Variants in ZNF804B observed in about 807,000 individuals in gnomAD.
ZNF804B encodes zinc finger 804B.
A neutral mutation model predicts 101.4 loss-of-function variants in ZNF804B; 80 were observed. The observed-to-expected ratio is 0.79, with a 90% CI of 0.66 to 0.95. The LOEUF is 0.95. ZNF804B is among the 40% of genes least tolerant of loss of function. The probability of loss-of-function intolerance (pLI) is 0.00; values close to 1 mark genes in which losing one functional copy is unlikely to be tolerated. For missense variants in ZNF804B, 1,673 were observed against 1,561.9 expected (o/e 1.07, Z -1.20); for synonymous variants, 622 against 558.8 (o/e 1.11, Z -1.59).
intron 1 of ZNF804B, among the ~76,000 whole-genome samples, chr7:88,832,620 G>C (rs1791149445): frequency 6.6e-6 from 1 of 151,816 alleles, no homozygotes; most frequent in Non-Finnish European, 1.5e-5. Flanking sequence ...AAAATCTAGG[G>C]AAGAATTATT....
chr7:89,240,315 C>T (rs922200005), intron 2 of ZNF804B, among the ~76,000 whole-genome samples: 2 of 152,008 alleles, frequency 1.3e-5, no homozygotes, highest in Admixed American at 6.6e-5. Flanking sequence ...TCTGATACTG[C>T]AATAGAAAGG....
chr7:89,137,499 G>A (rs553375166), intron 1 of ZNF804B, among the ~76,000 whole-genome samples: 8 of 152,166 alleles, frequency 5.3e-5, no homozygotes, highest in African/African-American at 1.9e-4. Flanking sequence ...GAGACTGGCA[G>A]CATTTTGTCC....
chr7:89,220,155 A>ACATGTATATACACACATATATATGTGTG (rs59752530), intron 2 of ZNF804B, among the ~76,000 whole-genome samples: 1 of 93,046 alleles, frequency 1.1e-5, no homozygotes, highest in African/African-American at 4.7e-5. Flanking sequence ...ATATACATAT[A>ACATGTATATACACACATATATATGTGTG]TATATACGCA....
chr7:89,147,436 G>T (rs755002577), intron 1 of ZNF804B, among the ~76,000 whole-genome samples: 25 of 152,026 alleles, frequency 1.6e-4, no homozygotes, highest in Admixed American at 3.3e-4. Flanking sequence ...TAATATTACA[G>T]ATCAAGGTGT....
chr7:88,913,279 T>A (rs1721541179), intron 1 of ZNF804B, among the ~76,000 whole-genome samples: 1 of 152,212 alleles, frequency 6.6e-6, no homozygotes. Context: ...TATGGAGAAA[T>A]CAGATGTAGT....
chr7:88,837,094 C>A (rs1302302899), intron 1 of ZNF804B, among the ~76,000 whole-genome samples: 1 of 151,708 alleles, frequency 6.6e-6, no homozygotes, highest in African/African-American at 2.4e-5. Context: ...AGATGGTTGC[C>A]CCCAAAAAAG....
At chr7:89,161,902 A>G (rs991924121) in intron 1 of ZNF804B, among the ~76,000 whole-genome samples, 1 of 152,120 alleles carries the variant, frequency 6.6e-6, no homozygotes, top group Non-Finnish European at 1.5e-5. Context: ...GCAATATGAG[A>G]TAGTAAATTT....
intron 1 of ZNF804B, among the ~76,000 whole-genome samples, chr7:89,116,073 A>AT (rs146470822): frequency 0.7 from 97,865 of 140,610 alleles, 32,508 homozygotes; most frequent in East Asian, 0.78. Flanking sequence ...CCCAGTTATT[A>AT]TTTTTTTTTT....
intron 2 of ZNF804B, among the ~76,000 whole-genome samples, chr7:89,239,807 A>G (rs1789339434): frequency 6.6e-6 from 1 of 150,664 alleles, no homozygotes; most frequent in African/African-American, 2.4e-5. Context: ...TTCTTTATAT[A>G]TATATATAAA....
intron 2 of ZNF804B, among the ~76,000 whole-genome samples, chr7:89,305,794 C>T (rs1008583158): frequency 6.6e-6 from 1 of 151,614 alleles, no homozygotes; most frequent in Non-Finnish European, 1.5e-5. Context: ...TTTTTTGATA[C>T]ACATATTTAT....
At chr7:89,313,958 C>T (rs540581624) in intron 2 of ZNF804B, among the ~76,000 whole-genome samples, 12 of 152,230 alleles carry the variant, frequency 7.9e-5, no homozygotes, top group African/African-American at 2.6e-4. Flanking sequence ...AATCTAAAGA[C>T]ATGAATTAGA....
intron 1 of ZNF804B, among the ~76,000 whole-genome samples, chr7:88,945,824 C>A (rs1793120022): frequency 1.3e-5 from 2 of 151,914 alleles, no homozygotes; most frequent in African/African-American, 4.8e-5. Flanking sequence ...AGTTGTATTC[C>A]TAGGTTATTT....
intron 1 of ZNF804B, among the ~76,000 whole-genome samples, chr7:88,787,185 G>A (rs1790314880): frequency 6.6e-6 from 1 of 152,068 alleles, no homozygotes; most frequent in Non-Finnish European, 1.5e-5. Context: ...AGAGACAAGA[G>A]AAAACCATAA....
intron 1 of ZNF804B, among the ~76,000 whole-genome samples, chr7:88,973,876 T>C (rs184198205): frequency 5.9e-5 from 9 of 151,564 alleles, no homozygotes; most frequent in Admixed American, 2.0e-4. Context: ...CATCATCCCA[T>C]TGACACAACT....
chr7:89,184,200 T>G (rs1410933594), intron 1 of ZNF804B, among the ~76,000 whole-genome samples: 1 of 152,200 alleles, frequency 6.6e-6, no homozygotes, highest in Non-Finnish European at 1.5e-5. Flanking sequence ...GTGGTAGGAC[T>G]GCAATCTCAC....
intron 1 of ZNF804B, among the ~76,000 whole-genome samples, chr7:88,897,494 A>G (rs1381651961): frequency 1.3e-5 from 2 of 150,976 alleles, no homozygotes; most frequent in Admixed American, 1.3e-4. Flanking sequence ...TGAATTCCAG[A>G]AATGTAGGGG....
At chr7:89,281,818 A>G (rs994932595) in intron 2 of ZNF804B, among the ~76,000 whole-genome samples, 2 of 152,172 alleles carry the variant, frequency 1.3e-5, no homozygotes. Context: ...AAAAGCAAGC[A>G]AAAGTACTTC....
chr7:89,060,495 C>A (rs574740778), intron 1 of ZNF804B, among the ~76,000 whole-genome samples: 9 of 152,100 alleles, frequency 5.9e-5, no homozygotes, highest in African/African-American at 1.2e-4. Context: ...AAGTGGACAG[C>A]ATCTACTTAC....
chr7:89,065,281 G>A (rs1789441816), intron 1 of ZNF804B, among the ~76,000 whole-genome samples: 1 of 152,152 alleles, frequency 6.6e-6, no homozygotes, highest in African/African-American at 2.4e-5. Flanking sequence ...AGCCCTGAAG[G>A]CAGCCTGTTG....
Sources: allele counts gnomAD v4.1 joint callset (sites outside exome capture counted in the v4.1 genomes callset), GRCh38; gene constraint gnomAD v4.1.1; transcripts MANE v1.5; gene names NCBI Gene and HGNC (gene_info 2026-07-23, HGNC 2026-07-21).